Variants in CUX1 observed in about 807,000 individuals in gnomAD.
CUX1 encodes cut like homeobox 1.
CUX1 carries 31 observed loss-of-function variants against 158.8 expected under a neutral mutation model. The observed-to-expected ratio is 0.20, with a 90% CI of 0.15 to 0.26. The LOEUF (loss-of-function observed/expected upper bound fraction) is 0.26. Among genes scored for constraint, CUX1 ranks in the 10% least tolerant of loss-of-function variants. CUX1 has a pLI of 1.00. For synonymous variants in CUX1, 879 were observed against 862.1 expected, an observed-to-expected ratio of 1.02 and a Z score of -0.34; for missense variants, 1,589 against 2,014.6, an observed-to-expected ratio of 0.79 and a Z score of 4.04.
intron 8 of CUX1, among the ~76,000 whole-genome samples, chr7:102,151,902 C>A (rs999723800): frequency 2.6e-5 from 4 of 151,506 alleles, no homozygotes; most frequent in Admixed American, 2.6e-4. Context: ...AAAAAGAATA[C>A]CTCCTTAGAA....
At chr7:101,845,084 AT>A (rs1223603701) in intron 1 of CUX1, among the ~76,000 whole-genome samples, 2 of 149,892 alleles carry the variant, frequency 1.3e-5, no homozygotes, top group East Asian at 2.0e-4. Flanking sequence ...TCCTCTCTTT[AT>A]TTTTTCTTCT....
intron 2 of CUX1, among the ~76,000 whole-genome samples, chr7:101,944,396 C>T (rs1808115451): frequency 6.6e-6 from 1 of 152,220 alleles, no homozygotes; most frequent in Admixed American, 6.5e-5. Context: ...CTGGCAGTCT[C>T]AGCAGTAAGA....
chr7:102,279,869 C>A lies in CUX1; in HGVS notation c.1681-168C>A, dbSNP rs1358226409. Among the ~76,000 whole-genome samples, 2 of 152,244 alleles carry A rather than the reference C, an allele frequency of 1.3e-5. 1 individual carries two copies. On this transcript the variant is annotated intron_variant, in intron 18 of 22. Coordinates refer to the CUX1 transcript ENST00000292538. ...CCCCTGTGGCAGGAGGCACCAGCCA[C>A]ATTCACATTGTCACCCCAGCACCCT...
At chr7:102,037,369 T>TG (rs1821558811) in intron 3 of CUX1, among the ~76,000 whole-genome samples, 1 of 151,156 alleles carries the variant, frequency 6.6e-6, no homozygotes, top group African/African-American at 2.4e-5. Flanking sequence ...TTTTTTTTTT[T>TG]GAGACGGAGT....
At chr7:102,020,834 C>T (rs1013975516) in intron 2 of CUX1, among the ~76,000 whole-genome samples, 3 of 150,778 alleles carry the variant, frequency 2.0e-5, no homozygotes, top group East Asian at 2.0e-4. Context: ...GAGCTGAGAT[C>T]GCGCCACTGC....
intron 9 of CUX1, among the ~76,000 whole-genome samples, chr7:102,164,740 A>G (rs6976947): frequency 0.45 from 67,678 of 152,020 alleles, 16,469 homozygotes; most frequent in African/African-American, 0.64. Flanking sequence ...CGAGATGTTC[A>G]CTGTAATTGC....
chr7:102,063,301 C>T (rs1825141232), intron 3 of CUX1, among the ~76,000 whole-genome samples: 1 of 151,660 alleles, frequency 6.6e-6, no homozygotes, highest in South Asian at 2.1e-4. Flanking sequence ...TACTGCCAGC[C>T]AAGTGGCTGT....
rs1355086418 is a variant in CUX1, at chr7:102,254,159, T to C, written c.*5117T>C. The C allele has an allele frequency of 1.8e-5, 18 of 985,342 alleles. No homozygotes were observed. The highest frequency in any genetic ancestry group is 2.0e-5 in the Non-Finnish European group (17 of 830,048). The allele number at this position is 985,342 out of a possible 1,614,324, so 61.0% of individuals were successfully genotyped here. ...TTTCCCTTCCACCTGTTCCCAAAGC[T>C]CCAGCAGCTGTTTCTTTTGCAGGCA... On this transcript the variant is annotated 3_prime_UTR_variant, in exon 24 of 24. Coordinates refer to ENST00000292535, the MANE Select transcript of CUX1 (RefSeq NM_181552.4).
At chr7:101,851,385 G>A (rs551430158) in intron 1 of CUX1, among the ~76,000 whole-genome samples, 1 of 151,994 alleles carries the variant, frequency 6.6e-6, no homozygotes, top group South Asian at 2.1e-4. Flanking sequence ...TCATCATCTC[G>A]GGGGCTTCCT....
intron 22 of CUX1, among the ~76,000 whole-genome samples, chr7:102,236,863 C>T (rs962787698): frequency 1.3e-5 from 2 of 152,322 alleles, no homozygotes; most frequent in East Asian, 1.9e-4. Flanking sequence ...GGCACAGGCT[C>T]GGGGCGCCCT....
At chr7:101,993,612 C>T (rs1467484164) in intron 2 of CUX1, among the ~76,000 whole-genome samples, 1 of 152,204 alleles carries the variant, frequency 6.6e-6, no homozygotes, top group East Asian at 1.9e-4. Context: ...ATTTGTCCTT[C>T]CTCTACACAT....
At chr7:102,024,318 T>C (rs1244898551) in intron 2 of CUX1, among the ~76,000 whole-genome samples, 1 of 152,120 alleles carries the variant, frequency 6.6e-6, no homozygotes, top group Non-Finnish European at 1.5e-5. Context: ...TCTGAGCCCT[T>C]GTTAAGCCTT....
chr7:101,841,177 G>A (rs1428690067), intron 1 of CUX1, among the ~76,000 whole-genome samples: 2 of 152,192 alleles, frequency 1.3e-5, no homozygotes, highest in South Asian at 2.1e-4. Context: ...ACAGGCGTGA[G>A]CCACCACGCC....
At position 102,258,089 on chromosome 7, in the gene CUX1, A is replaced by T. The variant is rs1316085848; in HGVS notation, c.*9047A>T. 1.0e-6 allele frequency: 1 copy of T among 985,264 alleles called. No individual in the cohort carries two copies. Among genetic ancestry groups the T allele is most frequent in the Admixed American group, 6.2e-5 (1 of 16,260 alleles). 61.0% of individuals were successfully genotyped at this position (985,264 alleles called of 1,614,324 possible). ...GTTGTCCCTCTGTCTTTGGTTAGCC[A>T]TACGATGTTTGTTCTCAGCACTGTA... On this transcript the variant is annotated 3_prime_UTR_variant, in exon 24 of 24. Coordinates refer to ENST00000292535, the MANE Select transcript of CUX1 (RefSeq NM_181552.4).
chr7:101,852,667 A>ATTT (rs71106571), intron 1 of CUX1, among the ~76,000 whole-genome samples: 15 of 76,038 alleles, frequency 2.0e-4, no homozygotes, highest in African/African-American at 5.2e-4. Context: ...CTGCGTTGGA[A>ATTT]TTTTTTTTTT....
At position 102,145,379 on chromosome 7, in the gene CUX1, C is replaced by A. The variant is rs1485305529; in HGVS notation, c.675-13181C>A. Among the ~76,000 whole-genome samples the A allele has an allele frequency of 2.0e-5, 3 of 151,686 alleles. No homozygotes were observed. The East Asian group carries it at 5.8e-4, about 29-fold the overall frequency. On this transcript the variant is annotated intron_variant, in intron 8 of 23. Transcript: ENST00000292535. Reference sequence around the variant, plus strand: ...ATCTAGAGGCTTGATCAGATTCAGGCTAGAAGTTTTTGGCCAAAAGCCCCT... The same window carrying A: ...ATCTAGAGGCTTGATCAGATTCAGGATAGAAGTTTTTGGCCAAAAGCCCCT...
At chr7:102,263,656 C>T (rs1790582243) in intron 14 of CUX1, among the ~76,000 whole-genome samples, 1 of 151,630 alleles carries the variant, frequency 6.6e-6, no homozygotes, top group Non-Finnish European at 1.5e-5. Context: ...CAGGGTAGGC[C>T]TCCCTAAGAA....
rs144199298 is a variant in CUX1 at position 102,274,259 on chromosome 7, C to T, written c.1399C>T (p.Arg467Cys). The T allele has an allele frequency of 7.3e-5, 117 of 1,613,604 alleles. No individual in the cohort carries two copies. The African/African-American group carries it at 1.1e-3, about 15-fold the overall frequency. ...TCACCTGCAGGGTGCCGCTGAGCAC[C>T]GCCTGGAGAAGATCCCAGAGCCCAT... The change falls in exon 16 of 23, where the codon CGC becomes TGC. Residue 467 changes from arginine to cysteine, a missense_variant. Physicochemically the swap from Arg to Cys is radical, Grantham distance 180. Transcript: ENST00000292538.
chr7:102,237,076 T>A (rs1429888779), intron 22 of CUX1, among the ~76,000 whole-genome samples: 2 of 151,808 alleles, frequency 1.3e-5, no homozygotes, highest in African/African-American at 4.8e-5. Flanking sequence ...CTGGAGGGAG[T>A]CCCCACGGTT....
Sources: gnomAD v4.1 joint callset for allele counts (sites outside exome capture counted in the v4.1 genomes callset) on GRCh38, gnomAD v4.1.1 for gene constraint, MANE v1.5 for transcripts, NCBI Gene and HGNC (gene_info 2026-07-23, HGNC 2026-07-21) for gene names.